RYR3: variants seen among roughly 807,000 people sequenced by gnomAD.
RYR3 encodes ryanodine receptor 3, also known as brain ryanodine receptor-calcium release channel.
In RYR3, 207 loss-of-function variants were observed where a neutral mutation model predicts 584.3. The observed-to-expected ratio is 0.35, with a 90% CI of 0.32 to 0.40. The LOEUF is 0.40. Among genes scored for constraint, RYR3 ranks in the 10% least tolerant of loss-of-function variants. RYR3 has a pLI of 1.00. For synonymous variants in RYR3, 2,416 were observed against 2,248.5 expected (o/e 1.07, Z -2.11); for missense variants, 5,616 against 6,089.2 (o/e 0.92, Z 2.59).
chr15:33,419,571 C>G (rs1426556792), intron 1 of RYR3, among the ~76,000 whole-genome samples: 1 of 152,132 alleles, frequency 6.6e-6, no homozygotes, highest in Non-Finnish European at 1.5e-5. Flanking sequence ...AGGAAAGTAC[C>G]TTTCTGCTGA....
intron 96 of RYR3, 72 bp downstream of exon 96, chr15:33,853,754 A>G: frequency 6.5e-7 from 1 of 1,547,834 alleles, no homozygotes; most frequent in Non-Finnish European, 8.7e-7. Context: ...ATAGGAAAAA[A>G]TCACAACCGT....
chr15:33,453,873 G>C (rs2047333413), intron 1 of RYR3, among the ~76,000 whole-genome samples: 2 of 152,190 alleles, frequency 1.3e-5, no homozygotes, highest in East Asian at 1.9e-4. Context: ...CTGTTGGAGA[G>C]GAACAGTGAG....
chr15:33,555,806 C>G (rs181312967), intron 10 of RYR3, among the ~76,000 whole-genome samples: 1 of 152,144 alleles, frequency 6.6e-6, no homozygotes, highest in African/African-American at 2.4e-5. Flanking sequence ...AATATGCCTT[C>G]CCCAATAAGG....
At chr15:33,805,580 C>T (rs1424588081) in intron 69 of RYR3, among the ~76,000 whole-genome samples, 9 of 151,836 alleles carry the variant, frequency 5.9e-5, no homozygotes, top group South Asian at 2.1e-4. Context: ...CTGGTTCACA[C>T]CATTCTCCTG....
intron 1 of RYR3, among the ~76,000 whole-genome samples, chr15:33,436,851 G>A (rs1381910137): frequency 3.3e-5 from 5 of 152,016 alleles, no homozygotes; most frequent in Non-Finnish European, 7.4e-5. Flanking sequence ...TAGCCTTTAA[G>A]TTATTTATTT....
chr15:33,836,194 T>C (rs2078038567), intron 87 of RYR3, among the ~76,000 whole-genome samples: 1 of 150,974 alleles, frequency 6.6e-6, no homozygotes, highest in East Asian at 1.9e-4. Context: ...CTTTCCTTTT[T>C]TTTGTGAGGG....
chr15:33,765,953 C>T (rs958366340), intron 60 of RYR3, among the ~76,000 whole-genome samples: 2 of 152,034 alleles, frequency 1.3e-5, no homozygotes, highest in African/African-American at 4.8e-5. Flanking sequence ...ACTCTACTAC[C>T]CAAAGTGACT....
At chr15:33,596,412 A>G (rs1416082718) in intron 16 of RYR3, among the ~76,000 whole-genome samples, 1 of 151,390 alleles carries the variant, frequency 6.6e-6, no homozygotes, top group Non-Finnish European at 1.5e-5. Context: ...TCATTATTTA[A>G]AGTTATAAAA....
intron 18 of RYR3, among the ~76,000 whole-genome samples, chr15:33,604,457 G>A (rs1209423730): frequency 1.3e-5 from 2 of 152,128 alleles, no homozygotes; most frequent in Admixed American, 1.3e-4. Flanking sequence ...TATTTTAGGA[G>A]CCATGTTGCA....
chr15:33,838,645 G>T lies in RYR3; in HGVS notation c.12665G>T (p.Gly4222Val). ...GTGTTTGGAGGGGGCCTGGTAGAAG[G>T]GGCAAAGAACATCAGAGTGACCAAG... ...STVFGGGLVE[G>V]AKNIRVTKIL... Residue 4222 changes from glycine to valine, a missense_variant, in exon 89 of 104, where the codon GGG (glycine) becomes GTG (valine). Transcript: ENST00000634891. 6.2e-7 allele frequency: 1 copy of T among 1,613,864 alleles called. No homozygotes were observed. Among genetic ancestry groups the T allele is most frequent in the Non-Finnish European group, 8.5e-7 (1 of 1,179,854 alleles).
chr15:33,540,966 C>T (rs2055769159), intron 7 of RYR3, 76 bp downstream of exon 7: 8 of 899,240 alleles, frequency 8.9e-6, no homozygotes, highest in Middle Eastern at 2.3e-4. Context: ...TTTTCTGCTA[C>T]TTCCCAGATC....
At chr15:33,363,245 C>A (rs549996590) in intron 1 of RYR3, among the ~76,000 whole-genome samples, 1 of 152,238 alleles carries the variant, frequency 6.6e-6, no homozygotes, top group Admixed American at 6.5e-5. Flanking sequence ...GCTGGTGTAA[C>A]CTGTGCTCCA....
intron 2 of RYR3, among the ~76,000 whole-genome samples, chr15:33,486,963 C>T (rs548462899): frequency 5.9e-5 from 9 of 152,058 alleles, no homozygotes; most frequent in East Asian, 3.9e-4. Context: ...TTTGAGAGGC[C>T]GAGGCAGATG....
At chr15:33,676,005 A>G (rs2064153235) in intron 38 of RYR3, among the ~76,000 whole-genome samples, 1 of 152,068 alleles carries the variant, frequency 6.6e-6, no homozygotes, top group Admixed American at 6.5e-5. Flanking sequence ...TCACATCCCA[A>G]TTCCTAGAAC....
intron 1 of RYR3, among the ~76,000 whole-genome samples, chr15:33,411,607 C>T (rs1199407963): frequency 1.3e-5 from 2 of 152,198 alleles, no homozygotes; most frequent in African/African-American, 4.8e-5. Context: ...TAGTTATTTA[C>T]TAATTTGACA....
chr15:33,846,839 T>G (rs1177778269), intron 93 of RYR3, among the ~76,000 whole-genome samples: 6 of 152,212 alleles, frequency 3.9e-5, no homozygotes, highest in Non-Finnish European at 7.3e-5. Flanking sequence ...TGTAGAGGTA[T>G]GTGTAAATGT....
At chr15:33,832,376 C>T (rs920977318) in intron 86 of RYR3, among the ~76,000 whole-genome samples, 12 of 151,966 alleles carry the variant, frequency 7.9e-5, no homozygotes, top group Admixed American at 1.3e-4. Context: ...CATATGTGGC[C>T]GGGCACGGTG....
Position 33,837,981 on chromosome 15 carries a change from C to A in RYR3, c.12001C>A (p.Leu4001Ile). 6.2e-7 allele frequency: 1 copy of A among 1,613,998 alleles called. No individual in the cohort carries two copies. Among genetic ancestry groups the A allele is most frequent in the Non-Finnish European group, 8.5e-7 (1 of 1,179,894 alleles). ...GFNVAVLLTN[L>I]SEHMPNDSRL... ...TAATGTGGCTGTGTTATTGACAAAT[C>A]TTTCTGAACACATGCCAAACGATTC... is the stretch of plus-strand genomic sequence containing the variant. The change falls in exon 89 of 104, where the codon CTT becomes ATT. Residue 4001 changes from leucine to isoleucine, a missense_variant. Transcript: ENST00000634891.
chr15:33,735,899 G>C (rs111405861), intron 48 of RYR3, among the ~76,000 whole-genome samples: 1,638 of 152,286 alleles, frequency 0.011, 33 homozygotes, highest in African/African-American at 0.038. Flanking sequence ...GGGGACCTTA[G>C]AGATGACTAG....
Sources: allele counts gnomAD v4.1 joint callset (sites outside exome capture counted in the v4.1 genomes callset), GRCh38; gene constraint gnomAD v4.1.1; transcripts MANE v1.5; gene names NCBI Gene and HGNC (gene_info 2026-07-23, HGNC 2026-07-21).